RBM27: variants seen among roughly 807,000 people sequenced by gnomAD.
The protein encoded by RBM27 is RNA binding motif protein 27, also known as RNA-binding protein 27.
In RBM27, 22 loss-of-function variants were observed where a neutral mutation model predicts 135.3. The observed-to-expected ratio is 0.16, with a 90% CI of 0.12 to 0.23. The LOEUF (loss-of-function observed/expected upper bound fraction) is 0.23. Among genes scored for constraint, RBM27 ranks in the 10% least tolerant of loss-of-function variants. The probability of loss-of-function intolerance (pLI) is 1.00; values close to 1 mark genes in which losing one functional copy is unlikely to be tolerated. For synonymous variants in RBM27, 481 were observed against 442.4 expected (o/e 1.09, Z -1.10); for missense variants, 1,009 against 1,281.0 (o/e 0.79, Z 3.24).
At chr5:146,233,186 G>A (rs1215707893) in intron 6 of RBM27, among the ~76,000 whole-genome samples, 1 of 152,132 alleles carries the variant, frequency 6.6e-6, no homozygotes, top group East Asian at 1.9e-4. Flanking sequence ...AAATGGTTTA[G>A]TATAATGGTA....
At chr5:146,221,121 C>T (rs1756446109) in intron 2 of RBM27, among the ~76,000 whole-genome samples, 1 of 147,138 alleles carries the variant, frequency 6.8e-6, no homozygotes. Flanking sequence ...CTCGGCAGGC[C>T]TGGACGACAG....
chr5:146,227,133 G>T (rs1015588415), intron 3 of RBM27, among the ~76,000 whole-genome samples: 1 of 152,182 alleles, frequency 6.6e-6, no homozygotes, highest in Admixed American at 6.5e-5. Flanking sequence ...GATCACCAGG[G>T]TAAGAGAATT....
intron 1 of RBM27, among the ~76,000 whole-genome samples, chr5:146,211,464 C>CTTTTGTTTTTTTTTTTTTTTTTTTTT (rs1755944032): frequency 2.0e-5 from 1 of 49,904 alleles, no homozygotes. Context: ...ATGGTCTTAT[C>CTTTTGTTTTTTTTTTTTTTTTTTTTT]TTTTTTTTTT....
rs748148013 is a variant in RBM27, at chr5:146,269,708, A to G, written c.2691+124A>G. ...CTAACAGGGATATAGGCAAACAATT[A>G]TAGTACTTAAAAAAAAAATCCTAAT... is the stretch of plus-strand genomic sequence containing the variant. On this transcript the variant is annotated intron_variant, in intron 17 of 20. Transcript: ENST00000265271. 50 of 401,932 alleles carry G rather than the reference A, an allele frequency of 1.2e-4. No individual in the cohort carries two copies. In the Middle Eastern group the frequency reaches 3.1e-3, roughly 25 times the overall value. 24.9% of individuals were successfully genotyped at this position (401,932 alleles called of 1,614,324 possible).
intron 4 of RBM27, 61 bp downstream of exon 4, chr5:146,229,098 G>A: frequency 7.8e-7 from 1 of 1,284,130 alleles, no homozygotes; most frequent in South Asian, 1.2e-5. Context: ...GCCTTGCAAG[G>A]ACATTAAAGG....
intron 8 of RBM27, among the ~76,000 whole-genome samples, chr5:146,250,770 C>CTTTTTTTTTTTTTTTTT (rs58027855): frequency 1.5e-4 from 11 of 72,656 alleles, no homozygotes; most frequent in Non-Finnish European, 1.9e-4. Context: ...TTTTTTTGTC[C>CTTTTTTTTTTTTTTTTT]TTTTTTTTTT....
At chr5:146,218,602 A>G (rs1366121758) in intron 1 of RBM27, among the ~76,000 whole-genome samples, 1 of 152,172 alleles carries the variant, frequency 6.6e-6, no homozygotes, top group African/African-American at 2.4e-5. Context: ...CCTTTTGCTC[A>G]TTAATCACCT....
rs1002282510 is a variant in RBM27 at position 146,286,840 on chromosome 5, T to G, written c.*810T>G. The G allele has an allele frequency of 6.6e-6, 1 of 152,374 alleles. No individual in the cohort carries two copies. Among genetic ancestry groups the G allele is most frequent in the African/African-American group, 2.4e-5 (1 of 41,404 alleles). 9.4% of individuals were successfully genotyped at this position (152,374 alleles called of 1,614,324 possible). A position where few individuals can be genotyped will look rare whatever the true frequency, so the allele number is the denominator to read the frequency against. ...ACCTATTGCCCCTTTCTCGTCCCCC[T>G]TTTCTTCCTCTTGCCTTTCTATTAA... On this transcript the variant is annotated 3_prime_UTR_variant, in exon 21 of 21. Transcript: ENST00000265271.
intron 14 of RBM27, among the ~76,000 whole-genome samples, chr5:146,267,034 C>T (rs372965050): frequency 3.9e-5 from 6 of 152,154 alleles, no homozygotes; most frequent in East Asian, 1.9e-4. Context: ...ACTTCACTTA[C>T]GAAAAACAAC....
At chr5:146,203,963 C>A in intron 1 of RBM27, 139 bp downstream of exon 1, 1 of 840,012 alleles carries the variant, frequency 1.2e-6, no homozygotes, top group Non-Finnish European at 1.8e-6. Flanking sequence ...CCCTGTAGTA[C>A]TATCACCATT....
intron 2 of RBM27, among the ~76,000 whole-genome samples, chr5:146,223,013 C>T (rs1220091706): frequency 6.6e-6 from 1 of 152,018 alleles, no homozygotes; most frequent in Non-Finnish European, 1.5e-5. Flanking sequence ...TTTCTTTATG[C>T]AGATAGATAG....
At position 146,229,823 on chromosome 5, in the gene RBM27, A is replaced by G; in HGVS notation, c.502A>G (p.Lys168Glu). The stretch of plus-strand genomic sequence containing the variant: ...GTATGACTGGAGAAGAGGCAGGAGT[A>G]AGAGTCGGAGTAAGAGTCGAGGCCT... The part of the protein sequence containing the change: ...EKYDWRRGRS[K>E]SRSKSRGLSR... The change falls in exon 5 of 21, where the codon AAG becomes GAG. Residue 168 changes from lysine to glutamate, a missense_variant. By Grantham distance (56) the Lys-to-Glu change is moderately conservative. This residue lies in a region of RBM27 where 268 missense variants were observed against 326.6 expected (regional missense o/e 0.82). Coordinates refer to ENST00000265271, the MANE Select transcript of RBM27 (RefSeq NM_018989.2). 6.2e-7 allele frequency: 1 copy of G among 1,614,030 alleles called. No homozygotes were observed. Among genetic ancestry groups the G allele is most frequent in the Non-Finnish European group, 8.5e-7 (1 of 1,179,994 alleles).
chr5:146,261,484 A>C (rs1758393470), intron 12 of RBM27, 26 bp from the exon 13 acceptor site: 1 of 1,583,576 alleles, frequency 6.3e-7, no homozygotes, highest in East Asian at 2.2e-5. Flanking sequence ...GTTTTTGGGA[A>C]TTTATATTGT....
chr5:146,240,456 A>G (rs988644015), intron 8 of RBM27, among the ~76,000 whole-genome samples: 7 of 151,988 alleles, frequency 4.6e-5, no homozygotes, highest in African/African-American at 1.7e-4. Context: ...CTTCCCAAGT[A>G]GCTGGGATTA....
Position 146,271,655 on chromosome 5 carries a change from A to G in RBM27, c.2969A>G (p.Asp990Gly). 1.9e-6 allele frequency: 3 copies of G among 1,613,142 alleles called. No homozygotes were observed. The highest frequency in any genetic ancestry group is 1.1e-5 in the South Asian group (1 of 91,010). Reference sequence around the variant, plus strand: ...GGATTCATTGAGGAAGAAAAAGAAGACTTGCTTCAGCATTTCTCAGTAAGT... The same window carrying G: ...GGATTCATTGAGGAAGAAAAAGAAGGCTTGCTTCAGCATTTCTCAGTAAGT... ...VGGFIEEEKE[D>G]LLQHFSTANQ... The change falls in exon 19 of 21, where the codon GAC (aspartate) becomes GGC (glycine). Residue 990 changes from aspartate to glycine, a missense_variant. Coordinates refer to ENST00000265271, the MANE Select transcript of RBM27 (RefSeq NM_018989.2).
chr5:146,264,246 C>A (rs1758519586), intron 14 of RBM27, among the ~76,000 whole-genome samples: 1 of 152,060 alleles, frequency 6.6e-6, no homozygotes, highest in Non-Finnish European at 1.5e-5. Flanking sequence ...TGCAATGGCA[C>A]AATCTCGGCT....
intron 19 of RBM27, among the ~76,000 whole-genome samples, chr5:146,282,473 T>C (rs967338584): frequency 7.2e-5 from 11 of 152,226 alleles, no homozygotes; most frequent in African/African-American, 2.7e-4. Flanking sequence ...CAACCTATTT[T>C]GGATCAAAAA....
chr5:146,270,940 C>T lies in RBM27; in HGVS notation c.2692-14C>T. The T allele has an allele frequency of 6.4e-7, 1 of 1,562,082 alleles. No homozygotes were observed. On this transcript the variant is annotated splice_polypyrimidine_tract_variant and intron_variant, in intron 17 of 20. Transcript: ENST00000265271. ...TATCTAAAAAATACCTTTTTATTTT[C>T]AATTTTTCCAAAGGCCCAGAAGGAG...
chr5:146,253,777 T>C (rs535035120), intron 9 of RBM27, among the ~76,000 whole-genome samples: 37 of 152,228 alleles, frequency 2.4e-4, no homozygotes, highest in Non-Finnish European at 4.9e-4. Flanking sequence ...TCTAAGAGTA[T>C]TGGGGGTGAG....
Sources: allele counts gnomAD v4.1 joint callset (sites outside exome capture counted in the v4.1 genomes callset), GRCh38; gene constraint gnomAD v4.1.1; regional missense constraint gnomAD v4.1.1; transcripts MANE v1.5; gene names NCBI Gene and HGNC (gene_info 2026-07-23, HGNC 2026-07-21).